The following TBC1D12 variants were observed in gnomAD, a reference collection of about 807,000 sequenced individuals.
TBC1D12 encodes TBC1 domain family, member 12.
TBC1D12 carries 56 observed loss-of-function variants against 86.7 expected under a neutral mutation model. The observed-to-expected ratio is 0.65, with a 90% CI of 0.52 to 0.81. TBC1D12 has a LOEUF of 0.81. Among genes scored for constraint, TBC1D12 ranks in the 30% least tolerant of loss-of-function variants. The pLI, the probability that TBC1D12 is intolerant of heterozygous loss-of-function variation, is 0.00. For synonymous variants in TBC1D12, 421 were observed against 411.7 expected (o/e 1.02, Z -0.27); for missense variants, 1,023 against 1,038.8 (o/e 0.98, Z 0.21).
At position 94,503,777 on chromosome 10, in the gene TBC1D12, C is replaced by T. The variant is rs191053360; in HGVS notation, c.1519+3450C>T. 3.0e-3 allele frequency among the ~76,000 whole-genome samples: 452 copies of T among 152,212 alleles called. 3 individuals carry two copies. Among genetic ancestry groups the T allele is most frequent in the African/African-American group, 0.01 (426 of 41,528 alleles). On this transcript the variant is annotated intron_variant, in intron 6 of 12. Coordinates refer to ENST00000225235, the MANE Select transcript of TBC1D12 (RefSeq NM_015188.2). ...AGTAGCTGAGATTACAGGGGCCTGC[C>T]ACCACACTGACTAATTTTTGTATTT...
intron 2 of TBC1D12, among the ~76,000 whole-genome samples, chr10:94,448,046 T>G (rs2055496330): frequency 4.6e-5 from 7 of 151,972 alleles, no homozygotes; most frequent in Admixed American, 4.6e-4. Context: ...CATTTTCTGG[T>G]AAAGTTTAAG....
chr10:94,493,082 A>AC (rs1437963133), intron 3 of TBC1D12, among the ~76,000 whole-genome samples: 2 of 151,906 alleles, frequency 1.3e-5, no homozygotes, highest in Non-Finnish European at 2.9e-5. Flanking sequence ...ACATAGTGAG[A>AC]CCCCATCTCT....
At position 94,533,116 on chromosome 10, in the gene TBC1D12, A is replaced by T. The variant is rs747412566; in HGVS notation, c.*20A>T. The stretch of plus-strand genomic sequence containing the variant: ...AGCTAGTCTTCAAAATTGACAGACT[A>T]ACTGACATAGAAAAAGTGGTTTTTG... On this transcript the variant is annotated 3_prime_UTR_variant, in exon 13 of 13. Coordinates refer to ENST00000225235, the MANE Select transcript of TBC1D12 (RefSeq NM_015188.2). The T allele has an allele frequency of 1.3e-6, 2 of 1,524,938 alleles. No homozygotes were observed. The highest frequency in any genetic ancestry group is 1.8e-6 in the Non-Finnish European group (2 of 1,126,378). The allele number at this position is 1,524,938 out of a possible 1,614,324, so 94.5% of individuals were successfully genotyped here. A position where few individuals can be genotyped will look rare whatever the true frequency, so the allele number is the denominator to read the frequency against.
rs1039547549 is a variant in TBC1D12, at chr10:94,535,159, G to A, written c.*2063G>A. The A allele has an allele frequency of 2.0e-5, 3 of 152,088 alleles. No individual in the cohort carries two copies. The highest frequency in any genetic ancestry group is 2.0e-4 in the Admixed American group (3 of 15,262). 9.4% of individuals were successfully genotyped at this position (152,088 alleles called of 1,614,324 possible). On this transcript the variant is annotated 3_prime_UTR_variant, in exon 13 of 13. Transcript: ENST00000225235. ...AGTGAATGCATTGGCTTTCGGAACT[G>A]CTACTAGAGACATACATGAGGCAGC... is the stretch of plus-strand genomic sequence containing the variant.
intron 1 of TBC1D12, among the ~76,000 whole-genome samples, chr10:94,439,896 C>A (rs1290104955): frequency 6.6e-6 from 1 of 152,202 alleles, no homozygotes; most frequent in East Asian, 1.9e-4. Flanking sequence ...AAAGTGTTTT[C>A]TTGATAAGTG....
chr10:94,492,209 T>C (rs986516783), intron 3 of TBC1D12, among the ~76,000 whole-genome samples: 1 of 152,154 alleles, frequency 6.6e-6, no homozygotes, highest in Admixed American at 6.6e-5. Flanking sequence ...GGAAAAAACC[T>C]GGTATATATA....
intron 5 of TBC1D12, among the ~76,000 whole-genome samples, chr10:94,498,174 A>G (rs963551343): frequency 6.6e-6 from 1 of 152,158 alleles, no homozygotes; most frequent in African/African-American, 2.4e-5. Flanking sequence ...CGCACTATTG[A>G]TGTAATAGCA....
chr10:94,409,214 CT>C (rs1393174272), intron 1 of TBC1D12, among the ~76,000 whole-genome samples: 1 of 152,036 alleles, frequency 6.6e-6, no homozygotes, highest in Non-Finnish European at 1.5e-5. Context: ...TGGTTCAGGA[CT>C]TCAACTTAGG....
rs564932760 is a variant in TBC1D12 at position 94,533,726 on chromosome 10, A to T, written c.*630A>T. Reference sequence around the variant, plus strand: ...GGTGTCCATTTGTTTTTTAAGGGAAATTTTTTGTCTTCCTTAAGGAATTCC... The same window carrying T: ...GGTGTCCATTTGTTTTTTAAGGGAATTTTTTTGTCTTCCTTAAGGAATTCC... On this transcript the variant is annotated 3_prime_UTR_variant, in exon 13 of 13. Transcript: ENST00000225235. 1 of 152,164 alleles carries T rather than the reference A, an allele frequency of 6.6e-6. No homozygotes were observed. Among genetic ancestry groups the T allele is most frequent in the Admixed American group, 6.5e-5 (1 of 15,280 alleles). 9.4% of individuals were successfully genotyped at this position (152,164 alleles called of 1,614,324 possible).
chr10:94,476,910 A>G (rs1423967209), intron 3 of TBC1D12, among the ~76,000 whole-genome samples: 1 of 152,012 alleles, frequency 6.6e-6, no homozygotes, highest in Non-Finnish European at 1.5e-5. Flanking sequence ...TATCTTTTCT[A>G]TCAAGTCTTT....
In TBC1D12 at chr10:94,433,315, C is replaced by T. The variant is rs191295896; in HGVS notation, c.972-8581C>T. On this transcript the variant is annotated intron_variant, in intron 1 of 12. Coordinates refer to ENST00000225235, the MANE Select transcript of TBC1D12 (RefSeq NM_015188.2). Reference sequence around the variant, plus strand: ...TGTATTTTTAGTAGAGACAGGATTTCGCCATGTTGGCCAGGCTGTTCTCGA... The same window carrying T: ...TGTATTTTTAGTAGAGACAGGATTTTGCCATGTTGGCCAGGCTGTTCTCGA... Among the ~76,000 whole-genome samples the T allele has an allele frequency of 4.5e-3, 681 of 152,200 alleles. 6 individuals are homozygous for T. The highest frequency in any genetic ancestry group is 0.015 in the African/African-American group (630 of 41,556).
At chr10:94,506,661 G>A (rs1194207058) in intron 6 of TBC1D12, among the ~76,000 whole-genome samples, 2 of 152,178 alleles carry the variant, frequency 1.3e-5, no homozygotes, top group Non-Finnish European at 2.9e-5. Context: ...TAAAAAGATA[G>A]GGGTAGAGAT....
chr10:94,520,811 C>T (rs1842130297), intron 9 of TBC1D12, among the ~76,000 whole-genome samples: 1 of 151,926 alleles, frequency 6.6e-6, no homozygotes, highest in Non-Finnish European at 1.5e-5. Flanking sequence ...AGGCACCTGC[C>T]ACCACGCCCG....
chr10:94,514,099 G>A (rs545131437), intron 9 of TBC1D12, among the ~76,000 whole-genome samples: 57 of 150,668 alleles, frequency 3.8e-4, no homozygotes, highest in African/African-American at 9.5e-4. Context: ...TGTAATCCCA[G>A]GCATGTAATC....
intron 6 of TBC1D12, among the ~76,000 whole-genome samples, chr10:94,504,908 A>T (rs929379869): frequency 3.9e-5 from 6 of 152,220 alleles, no homozygotes; most frequent in African/African-American, 1.4e-4. Context: ...GCCTGCTTCA[A>T]ACTCTCCCTT....
At chr10:94,471,370 A>G (rs1444796382) in intron 2 of TBC1D12, among the ~76,000 whole-genome samples, 5 of 151,960 alleles carry the variant, frequency 3.3e-5, no homozygotes, top group African/African-American at 1.2e-4. Flanking sequence ...TTAAATGTAT[A>G]CTTAGTTCAC....
intron 10 of TBC1D12, 48 bp downstream of exon 10, chr10:94,522,131 C>A: frequency 1.3e-6 from 2 of 1,571,566 alleles, no homozygotes; most frequent in South Asian, 2.4e-5. Flanking sequence ...TGAATGCCCT[C>A]TTAGAGTGAA....
intron 2 of TBC1D12, among the ~76,000 whole-genome samples, chr10:94,453,412 AGTGT>A (rs1156565679): frequency 6.6e-6 from 1 of 152,164 alleles, no homozygotes; most frequent in African/African-American, 2.4e-5. Context: ...TGCATATGTG[AGTGT>A]GTGAGAGAAC....
chr10:94,486,474 A>G (rs548536234), intron 3 of TBC1D12, among the ~76,000 whole-genome samples: 3 of 151,022 alleles, frequency 2.0e-5, no homozygotes, highest in Admixed American at 6.6e-5. Flanking sequence ...CTTTTGCTGT[A>G]TCTCGTAGGT....
Sources: allele counts gnomAD v4.1 joint callset (sites outside exome capture counted in the v4.1 genomes callset), GRCh38; gene constraint gnomAD v4.1.1; transcripts MANE v1.5; gene names NCBI Gene and HGNC (gene_info 2026-07-23, HGNC 2026-07-21).